Variants in ADARB2 observed in about 807,000 individuals in gnomAD.
ADARB2 encodes the protein adenosine deaminase RNA specific B2 (inactive).
A neutral mutation model predicts 62.2 loss-of-function variants in ADARB2; 25 were observed. That is an observed-to-expected ratio of 0.40 (90% confidence interval 0.29 to 0.56). The LOEUF (loss-of-function observed/expected upper bound fraction) is 0.56, where lower values mean the gene tolerates loss of function less well. Ranked by LOEUF, ADARB2 falls within the 20% of genes least tolerant of loss-of-function variation. ADARB2 has a pLI of 0.43. For missense variants in ADARB2, 1,071 were observed against 1,077.4 expected, an observed-to-expected ratio of 0.99 and a Z score of 0.08; for synonymous variants, 572 against 500.8, an observed-to-expected ratio of 1.14 and a Z score of -1.90.
intron 1 of ADARB2, among the ~76,000 whole-genome samples, chr10:1,644,185 G>T (rs536738711): frequency 1.3e-4 from 20 of 152,186 alleles, no homozygotes; most frequent in Non-Finnish European, 2.6e-4. Context: ...TTAAATGCAG[G>T]AAGTATTCCT....
At chr10:1,535,348 C>T (rs982438323) in intron 1 of ADARB2, among the ~76,000 whole-genome samples, 1 of 152,076 alleles carries the variant, frequency 6.6e-6, no homozygotes, top group Non-Finnish European at 1.5e-5. Context: ...AATGAGCATT[C>T]GGCAATACCT....
intron 3 of ADARB2, among the ~76,000 whole-genome samples, chr10:1,306,295 A>C (rs1174393023): frequency 3.9e-5 from 6 of 151,966 alleles, no homozygotes; most frequent in Admixed American, 3.3e-4. Context: ...ATCATGAGTG[A>C]ACTCCCATTC....
At chr10:1,208,989 G>T (rs1030640400) in intron 7 of ADARB2, among the ~76,000 whole-genome samples, 1 of 152,190 alleles carries the variant, frequency 6.6e-6, no homozygotes, top group Non-Finnish European at 1.5e-5. Flanking sequence ...AACAGGCTCA[G>T]GGTATCCTCT....
intron 1 of ADARB2, among the ~76,000 whole-genome samples, chr10:1,720,721 G>A (rs1335359887): frequency 9.2e-5 from 14 of 152,108 alleles, no homozygotes; most frequent in Admixed American, 8.5e-4. Context: ...GGGGGCCTCT[G>A]GGCCCCTGGA....
At chr10:1,472,440 G>A (rs903880702) in intron 1 of ADARB2, among the ~76,000 whole-genome samples, 4 of 152,138 alleles carry the variant, frequency 2.6e-5, no homozygotes, top group South Asian at 4.1e-4. Context: ...AGTGCCATGC[G>A]GCTCGGGGTT....
At chr10:1,602,574 T>C (rs2014588016) in intron 1 of ADARB2, among the ~76,000 whole-genome samples, 1 of 152,190 alleles carries the variant, frequency 6.6e-6, no homozygotes, top group Non-Finnish European at 1.5e-5. Context: ...GAGGCTATCC[T>C]GGCTATTTCC....
In ADARB2 at chr10:1,183,223, CG is replaced by C; in HGVS notation, c.2189del (p.Pro730ArgfsTer8). The C allele has an allele frequency of 6.2e-7, 1 of 1,613,644 alleles. No individual in the cohort carries two copies. The highest frequency in any genetic ancestry group is 8.5e-7 in the Non-Finnish European group (1 of 1,179,996). The part of the protein sequence containing the change: ...AGLGTWVRKP[P>X]EQQQFLLTL Reference sequence around the variant, plus strand: ...GAGTCAGTAGAAACTGCTGCTGCTCCGGTGGTTTCCTCACCCAGGTGCCCAG... The same window carrying C: ...GAGTCAGTAGAAACTGCTGCTGCTCCGTGGTTTCCTCACCCAGGTGCCCAG... On this transcript the variant is annotated frameshift_variant, in exon 10 of 10. Transcript: ENST00000381312. LOFTEE classifies it high-confidence loss of function.
At chr10:1,274,716 C>A (rs1422353981) in intron 3 of ADARB2, among the ~76,000 whole-genome samples, 2 of 152,204 alleles carry the variant, frequency 1.3e-5, no homozygotes, top group East Asian at 1.9e-4. Context: ...AGGCGCGGTA[C>A]CTGCCCAGGA....
At chr10:1,490,813 A>C (rs1439052601) in intron 1 of ADARB2, among the ~76,000 whole-genome samples, 1 of 152,176 alleles carries the variant, frequency 6.6e-6, no homozygotes, top group Non-Finnish European at 1.5e-5. Context: ...ATACACATGA[A>C]AGTAAGAATC....
intron 4 of ADARB2, among the ~76,000 whole-genome samples, chr10:1,263,022 A>G (rs1320418925): frequency 6.6e-6 from 1 of 151,592 alleles, no homozygotes; most frequent in African/African-American, 2.4e-5. Context: ...TCAGCAAACT[A>G]TCACAAGGAC....
intron 1 of ADARB2, among the ~76,000 whole-genome samples, chr10:1,451,919 G>C (rs985013231): frequency 6.6e-6 from 1 of 152,216 alleles, no homozygotes; most frequent in Non-Finnish European, 1.5e-5. Context: ...TTTGTTTATA[G>C]ACTTAGAGAA....
At chr10:1,297,448 C>G (rs1831533166) in intron 3 of ADARB2, among the ~76,000 whole-genome samples, 1 of 152,196 alleles carries the variant, frequency 6.6e-6, no homozygotes, top group African/African-American at 2.4e-5. Context: ...GCTTGGCATT[C>G]CCTGTGAAAC....
intron 1 of ADARB2, among the ~76,000 whole-genome samples, chr10:1,409,530 A>G (rs1457134597): frequency 0.021 from 1,412 of 67,536 alleles, no homozygotes; most frequent in Middle Eastern, 0.11. Flanking sequence ...CGTGGTCATG[A>G]GGAAGGATTC....
chr10:1,193,032 C>T (rs1449709789), intron 8 of ADARB2, among the ~76,000 whole-genome samples: 2 of 152,226 alleles, frequency 1.3e-5, no homozygotes, highest in Non-Finnish European at 2.9e-5. Context: ...TCCTCGCCTT[C>T]CCTCATGTGA....
chr10:1,659,694 C>A (rs778177449), intron 1 of ADARB2, among the ~76,000 whole-genome samples: 3 of 152,232 alleles, frequency 2.0e-5, no homozygotes, highest in Non-Finnish European at 4.4e-5. Context: ...CTGGGCCCTG[C>A]CCCATCTGGG....
chr10:1,645,223 C>T (rs1268033769), intron 1 of ADARB2, among the ~76,000 whole-genome samples: 3 of 152,214 alleles, frequency 2.0e-5, no homozygotes, highest in Admixed American at 6.5e-5. Flanking sequence ...CGATTCGCTC[C>T]ATGCTCATTG....
chr10:1,330,385 T>G (rs911367541), intron 3 of ADARB2, among the ~76,000 whole-genome samples: 1 of 152,246 alleles, frequency 6.6e-6, no homozygotes, highest in Non-Finnish European at 1.5e-5. Context: ...AGAGGATCTA[T>G]AAATCACTCT....
chr10:1,695,250 A>C (rs1258958128), intron 1 of ADARB2, among the ~76,000 whole-genome samples: 1 of 152,152 alleles, frequency 6.6e-6, no homozygotes, highest in Non-Finnish European at 1.5e-5. Flanking sequence ...CCTGGCAAGA[A>C]TGGGCTCTGC....
intron 3 of ADARB2, among the ~76,000 whole-genome samples, chr10:1,325,966 C>T (rs1831841011): frequency 6.6e-6 from 1 of 152,330 alleles, no homozygotes; most frequent in Admixed American, 6.5e-5. Context: ...GTTTACAATA[C>T]TTGCTTTGCT....
Sources: gnomAD v4.1 joint callset for allele counts (sites outside exome capture counted in the v4.1 genomes callset) on GRCh38, gnomAD v4.1.1 for gene constraint, MANE v1.5 for transcripts, NCBI Gene and HGNC (gene_info 2026-07-23, HGNC 2026-07-21) for gene names.